Variants in PTPRR observed in about 807,000 individuals in gnomAD.
The protein encoded by PTPRR is protein tyrosine phosphatase receptor type R.
A neutral mutation model predicts 77.2 loss-of-function variants in PTPRR; 38 were observed. That is an observed-to-expected ratio of 0.49 (90% CI 0.38 to 0.65). The LOEUF (loss-of-function observed/expected upper bound fraction) is 0.65. Ranked by LOEUF, PTPRR falls within the 30% of genes least tolerant of loss-of-function variation. The probability of loss-of-function intolerance (pLI) is 0.00; values close to 1 mark genes in which losing one functional copy is unlikely to be tolerated. For missense variants in PTPRR, 744 were observed against 799.2 expected, an observed-to-expected ratio of 0.93 and a Z score of 0.83; for synonymous variants, 299 against 283.1, an observed-to-expected ratio of 1.06 and a Z score of -0.57.
At position 70,838,182 on chromosome 12, in the gene PTPRR, C is replaced by G. The variant is rs115163943; in HGVS notation, c.357+54497G>C. 1.8e-3 allele frequency among the ~76,000 whole-genome samples: 267 copies of G among 152,178 alleles called. 1 individual carries two copies. Among genetic ancestry groups the G allele is most frequent in the African/African-American group, 6.2e-3 (256 of 41,536 alleles). On this transcript the variant is annotated intron_variant, in intron 2 of 13. Coordinates refer to ENST00000283228, the MANE Select transcript of PTPRR (RefSeq NM_002849.4). ...CAAAACAAACAAAAATTTCCAAATGCCACAAAGCATCTTAAGGATATTGAC... is the reference window on the plus strand; with the variant it reads ...CAAAACAAACAAAAATTTCCAAATGGCACAAAGCATCTTAAGGATATTGAC...
chr12:70,715,609 C>T (rs922795788), intron 6 of PTPRR, among the ~76,000 whole-genome samples: 8 of 152,270 alleles, frequency 5.3e-5, no homozygotes, highest in African/African-American at 1.4e-4. Flanking sequence ...CACCCCCAGG[C>T]GCGTATTCTC....
At chr12:70,897,216 A>G (rs1168959759) in intron 1 of PTPRR, among the ~76,000 whole-genome samples, 2 of 152,032 alleles carry the variant, frequency 1.3e-5, no homozygotes, top group African/African-American at 4.8e-5. Flanking sequence ...GTGAACAGGC[A>G]ACCTACAAAA....
intron 10 of PTPRR, among the ~76,000 whole-genome samples, chr12:70,668,174 C>T (rs1032701926): frequency 2.0e-5 from 3 of 151,878 alleles, no homozygotes; most frequent in Non-Finnish European, 2.9e-5. Context: ...TAAGTGGATT[C>T]CAGGCAGCAG....
In PTPRR at chr12:70,764,789, A is replaced by C. The variant is rs1315695545; in HGVS notation, c.358-11T>G. On this transcript the variant is annotated splice_polypyrimidine_tract_variant and intron_variant, in intron 2 of 13. Transcript: ENST00000283228. ...ATCCATTTGCAGTGTCTAGAAAATA[A>C]GGACAAAAATAAATCCAAATTATAG... The C allele has an allele frequency of 6.3e-7, 1 of 1,585,720 alleles. No homozygotes were observed. The highest frequency in any genetic ancestry group is 8.7e-7 in the Non-Finnish European group (1 of 1,154,122).
intron 2 of PTPRR, among the ~76,000 whole-genome samples, chr12:70,769,886 C>G (rs1213183359): frequency 6.6e-6 from 1 of 152,034 alleles, no homozygotes; most frequent in Non-Finnish European, 1.5e-5. Context: ...CTTTGACAAA[C>G]CTGACAAAAA....
intron 13 of PTPRR, 74 bp downstream of exon 13, chr12:70,656,630 G>T (rs2136663886): frequency 2.9e-6 from 3 of 1,019,738 alleles, no homozygotes; most frequent in Non-Finnish European, 4.6e-6. Context: ...AGATGTTTAT[G>T]CATGAAGTCA....
chr12:70,886,742 T>C (rs937514545), intron 2 of PTPRR, among the ~76,000 whole-genome samples: 1 of 152,248 alleles, frequency 6.6e-6, no homozygotes, highest in African/African-American at 2.4e-5. Flanking sequence ...GATAATGAGA[T>C]GTACTATTTA....
chr12:70,830,329 A>C (rs563680039), intron 2 of PTPRR, among the ~76,000 whole-genome samples: 1 of 152,336 alleles, frequency 6.6e-6, no homozygotes, highest in African/African-American at 2.4e-5. Flanking sequence ...GTCCACAGGG[A>C]GTTCTGCTCA....
At chr12:70,875,176 A>G (rs1893029985) in intron 2 of PTPRR, among the ~76,000 whole-genome samples, 1 of 152,162 alleles carries the variant, frequency 6.6e-6, no homozygotes. Context: ...ACCATTGAGT[A>G]GGAAAGTTTT....
intron 2 of PTPRR, among the ~76,000 whole-genome samples, chr12:70,866,617 G>A (rs1231683043): frequency 6.6e-6 from 1 of 152,142 alleles, no homozygotes; most frequent in African/African-American, 2.4e-5. Context: ...GGAGGAACTG[G>A]TACCATTCCT....
At position 70,819,460 on chromosome 12, in the gene PTPRR, A is replaced by T. The variant is rs532663962; in HGVS notation, c.358-54682T>A. ...TCAAAATTACAAATCAATGAGCTGT[A>T]ATTTGAGGGGCTGCTGGAAGATTCC... is the stretch of plus-strand genomic sequence containing the variant. On this transcript the variant is annotated intron_variant, in intron 2 of 13. Coordinates refer to ENST00000283228, the MANE Select transcript of PTPRR (RefSeq NM_002849.4). Among the ~76,000 whole-genome samples, 113 of 152,354 alleles carry T rather than the reference A, an allele frequency of 7.4e-4. 1 individual carries two copies. Among genetic ancestry groups the T allele is most frequent in the African/African-American group, 2.7e-3 (112 of 41,594 alleles).
chr12:70,710,799 AT>A (rs1888799753), intron 6 of PTPRR, among the ~76,000 whole-genome samples: 1 of 152,174 alleles, frequency 6.6e-6, no homozygotes, highest in Admixed American at 6.6e-5. Flanking sequence ...TATGAAAAAA[AT>A]CTCAACATCA....
At chr12:70,900,670 A>G (rs1893517931) in intron 1 of PTPRR, among the ~76,000 whole-genome samples, 1 of 151,552 alleles carries the variant, frequency 6.6e-6, no homozygotes, top group African/African-American at 2.4e-5. Flanking sequence ...AACTCAAACA[A>G]TGTAATACCA....
intron 1 of PTPRR, among the ~76,000 whole-genome samples, chr12:70,894,824 G>T (rs1893399023): frequency 6.6e-6 from 1 of 151,544 alleles, no homozygotes. Flanking sequence ...TTATTTAAGG[G>T]TCATCATTGT....
chr12:70,709,789 G>A (rs1888757129), intron 6 of PTPRR, among the ~76,000 whole-genome samples: 1 of 152,128 alleles, frequency 6.6e-6, no homozygotes, highest in African/African-American at 2.4e-5. Flanking sequence ...CTAGGGAGAT[G>A]AAAGACTTCT....
chr12:70,788,231 G>A (rs368855774), intron 2 of PTPRR, among the ~76,000 whole-genome samples: 1 of 152,178 alleles, frequency 6.6e-6, no homozygotes, highest in African/African-American at 2.4e-5. Context: ...TGGGAATTTA[G>A]CTGATGATGT....
chr12:70,764,706 A>C lies in PTPRR; in HGVS notation c.430T>G (p.Leu144Val). The C allele has an allele frequency of 6.2e-7, 1 of 1,614,132 alleles. No individual in the cohort carries two copies. Among genetic ancestry groups the C allele is most frequent in the Non-Finnish European group, 8.5e-7 (1 of 1,179,984 alleles). The change falls in exon 3 of 14, where the codon TTA (leucine) becomes GTA (valine). Residue 144 changes from leucine (L) to valine (V), a missense_variant. Coordinates refer to ENST00000283228, the MANE Select transcript of PTPRR (RefSeq NM_002849.4). ...TGCACTTGCTGGGGTAAGAGTCCTA[A>C]AGCTGCAGCCACTCCTTGGCGGAAG... ...RIFRQGVAAA[L>V]GLLPQQVHIN...
chr12:70,779,914 A>G (rs2136996195), intron 2 of PTPRR, among the ~76,000 whole-genome samples: 1 of 152,340 alleles, frequency 6.6e-6, no homozygotes, highest in Admixed American at 6.5e-5. Context: ...ATTTAGAATT[A>G]ACATGTCTCT....
At chr12:70,720,944 G>A (rs1889228200) in intron 6 of PTPRR, among the ~76,000 whole-genome samples, 1 of 152,074 alleles carries the variant, frequency 6.6e-6, no homozygotes, top group African/African-American at 2.4e-5. Context: ...GTTCTTCACT[G>A]AATAGGGTTT....
Sources: allele counts gnomAD v4.1 joint callset (sites outside exome capture counted in the v4.1 genomes callset), GRCh38; gene constraint gnomAD v4.1.1; transcripts MANE v1.5; gene names NCBI Gene and HGNC (gene_info 2026-07-23, HGNC 2026-07-21).